Variants in TBL1Y observed in about 807,000 individuals in gnomAD.
The protein encoded by TBL1Y is F-box-like/WD repeat-containing protein TBL1Y.
Under a neutral mutation model 12.0 loss-of-function variants are expected in TBL1Y, and 15 were observed. The ratio of observed to expected loss-of-function variants is 1.25; its 90% CI spans 0.83 to 1.92. TBL1Y has a LOEUF of 1.92. Among genes scored for constraint, TBL1Y ranks in the 40% most tolerant of loss-of-function variants. The pLI is 0.00. For synonymous variants in TBL1Y, 53 were observed against 42.6 expected (o/e 1.24, Z -0.95); for missense variants, 148 against 116.7 (o/e 1.27, Z -1.24).
At chrY:7,044,036 A>G in intron 7 of TBL1Y, among the ~76,000 whole-genome samples, 1 of 32,777 alleles carries the variant, frequency 3.1e-5, no homozygotes, top group African/African-American at 1.2e-4. Context: ...AGATTGTACC[A>G]CAATAAGCTA....
At chrY:7,008,501 C>T (rs977740288) in intron 4 of TBL1Y, among the ~76,000 whole-genome samples, 1 of 33,288 alleles carries the variant, frequency 3.0e-5, no homozygotes, top group African/African-American at 1.2e-4. Flanking sequence ...GAATTGATTC[C>T]GTATGTTTTT....
chrY:6,936,345 C>T (rs2011903602), intron 2 of TBL1Y, among the ~76,000 whole-genome samples: 1 of 34,087 alleles, frequency 2.9e-5, no homozygotes, highest in Non-Finnish European at 7.3e-5. Context: ...ATCTGAGGTG[C>T]TGCTCTGCCC....
intron 2 of TBL1Y, among the ~76,000 whole-genome samples, chrY:6,921,443 T>A (rs2124093641): frequency 3.0e-5 from 1 of 33,255 alleles, no homozygotes; most frequent in South Asian, 7.4e-4. Flanking sequence ...CCCAACAGTG[T>A]TTATTCTTGA....
intron 5 of TBL1Y, among the ~76,000 whole-genome samples, chrY:7,022,681 T>C (rs763327841): frequency 2.3e-3 from 76 of 32,982 alleles, no homozygotes; most frequent in Admixed American, 5.7e-3. Flanking sequence ...TATCCATGCA[T>C]CAGTTGATGG....
In TBL1Y at chrY:7,085,884, C is replaced by A; in HGVS notation, c.1078-14C>A. The A allele has an allele frequency of 2.5e-6, 1 of 393,169 alleles. No homozygotes were observed. Among genetic ancestry groups the A allele is most frequent in the Non-Finnish European group, 3.6e-6 (1 of 281,019 alleles). ...CCTGATATATTTTTCAAGAGACTCT[C>A]CGCTCTGTTTCAGAACGAGGTCAAT... On this transcript the variant is annotated splice_polypyrimidine_tract_variant and intron_variant, in intron 14 of 18. Transcript: ENST00000383032.
intron 2 of TBL1Y, among the ~76,000 whole-genome samples, chrY:6,961,011 AATGTTTATC>A: frequency 3.0e-5 from 1 of 33,198 alleles, no homozygotes; most frequent in South Asian, 7.0e-4. Context: ...ACCCAATGGA[AATGTTTATC>A]ATCATTCCTT....
At chrY:6,980,768 C>T in intron 3 of TBL1Y, among the ~76,000 whole-genome samples, 1 of 33,609 alleles carries the variant, frequency 3.0e-5, no homozygotes, top group Non-Finnish European at 7.3e-5. Context: ...TGGAATGTCA[C>T]CTGAGAGTTG....
Position 7,024,668 on chromosome Y carries a change from A to AT in TBL1Y, c.-50-360dup, listed in dbSNP as rs2012612665. Among the ~76,000 whole-genome samples the AT allele has an allele frequency of 1.6e-4, 5 of 31,572 alleles. No individual in the cohort carries two copies. The South Asian group carries it at 3.7e-3, about 23-fold the overall frequency. The allele number at this position is 31,572 out of a possible 37,273, so 84.7% of individuals were successfully genotyped here. ...CTTTGTCAGATGGATAGATGGCAAA[A>AT]TTTTTTTCCCATATATATGGCAAAA... On this transcript the variant is annotated intron_variant, in intron 5 of 18. Transcript: ENST00000383032.
At chrY:7,079,545 A>G in intron 13 of TBL1Y, among the ~76,000 whole-genome samples, 1 of 33,777 alleles carries the variant, frequency 3.0e-5, no homozygotes, top group Non-Finnish European at 7.3e-5. Flanking sequence ...TAATTATACA[A>G]CGGGAGTTCA....
At chrY:7,000,560 T>A (rs2012440872) in intron 4 of TBL1Y, among the ~76,000 whole-genome samples, 1 of 33,688 alleles carries the variant, frequency 3.0e-5, no homozygotes, top group Non-Finnish European at 7.3e-5. Flanking sequence ...ACAGGATTGA[T>A]TATAACAATA....
At chrY:6,934,193 G>C (rs2011887032) in intron 2 of TBL1Y, among the ~76,000 whole-genome samples, 1 of 33,158 alleles carries the variant, frequency 3.0e-5, no homozygotes, top group Non-Finnish European at 7.4e-5. Flanking sequence ...GCTTCAATCT[G>C]ATGGTCATGT....
Position 7,085,949 on chromosome Y carries a change from T to G in TBL1Y, c.1129T>G (p.Cys377Gly). The change falls in exon 15 of 19, where the codon TGC becomes GGC. Residue 377 changes from cysteine (C) to glycine (G), a missense_variant. Physicochemically the swap from Cys to Gly is radical, Grantham distance 159 (BLOSUM62 -3). Transcript: ENST00000383032. ...TCCTTCTGGAATGTTGCTGGCGTCC[T>G]GCTCGGATGACATGACATTGAAGGT... ...WDPSGMLLAS[C>G]SDDMTLKIWS... is the part of the protein sequence containing the mutation. 2.5e-6 allele frequency: 1 copy of G among 398,348 alleles called. No individual in the cohort carries two copies. The highest frequency in any genetic ancestry group is 3.5e-6 in the Non-Finnish European group (1 of 283,403).
chrY:6,945,220 C>G, intron 2 of TBL1Y, among the ~76,000 whole-genome samples: 1 of 22,947 alleles, frequency 4.4e-5, no homozygotes, highest in African/African-American at 1.8e-4. Context: ...ACTTTCTTCT[C>G]CTCTTCTCTC....
intron 4 of TBL1Y, among the ~76,000 whole-genome samples, chrY:7,001,435 C>T (rs771887503): frequency 6.1e-5 from 2 of 32,555 alleles, no homozygotes; most frequent in African/African-American, 2.4e-4. Context: ...CTGAGTAATA[C>T]GGTGAAACCC....
intron 2 of TBL1Y, among the ~76,000 whole-genome samples, chrY:6,953,954 G>A (rs757209642): frequency 5.9e-5 from 2 of 33,992 alleles, no homozygotes; most frequent in African/African-American, 2.3e-4. Flanking sequence ...TCCAGACCCC[G>A]TTTGCCTGGG....
intron 2 of TBL1Y, among the ~76,000 whole-genome samples, chrY:6,958,614 G>T: frequency 3.0e-5 from 1 of 32,853 alleles, no homozygotes. Context: ...AAAAAGGAAT[G>T]TCGTAGGAGG....
intron 2 of TBL1Y, among the ~76,000 whole-genome samples, chrY:6,924,327 G>A (rs1603025427): frequency 3.1e-5 from 1 of 32,559 alleles, no homozygotes. Flanking sequence ...GGTGGCTCAC[G>A]CCTGTAATTC....
chrY:6,966,402 A>G, intron 2 of TBL1Y, among the ~76,000 whole-genome samples: 6 of 32,692 alleles, frequency 1.8e-4, no homozygotes, highest in African/African-American at 7.2e-4. Flanking sequence ...TTCTTCCTAA[A>G]GAGATTTTGT....
At chrY:6,948,899 GT>G (rs2012005556) in intron 2 of TBL1Y, among the ~76,000 whole-genome samples, 1 of 30,727 alleles carries the variant, frequency 3.3e-5, no homozygotes, top group Non-Finnish European at 7.8e-5. Flanking sequence ...GCTTTAATAA[GT>G]ACAGAATGTA....
Sources: gnomAD v4.1 joint callset for allele counts (sites outside exome capture counted in the v4.1 genomes callset) on GRCh38, gnomAD v4.1.1 for gene constraint, MANE v1.5 for transcripts, NCBI Gene and HGNC (gene_info 2026-07-23, HGNC 2026-07-21) for gene names.